The following XKR9 variants were observed in gnomAD, a reference collection of about 807,000 sequenced individuals.
XKR9 encodes the protein XK related 9, also known as XK-related protein 9.
XKR9 carries 32 observed loss-of-function variants against 32.0 expected under a neutral mutation model. The observed-to-expected ratio is 1.00, with a 90% CI of 0.76 to 1.34. The LOEUF (loss-of-function observed/expected upper bound fraction) is 1.34, where lower values mean the gene tolerates loss of function less well. XKR9 is among the 40% of genes most tolerant of loss of function. The pLI, the probability that XKR9 is intolerant of heterozygous loss-of-function variation, is 0.00. For synonymous variants in XKR9, 168 were observed against 143.4 expected (o/e 1.17, Z -1.22); for missense variants, 546 against 429.7 (o/e 1.27, Z -2.39).
At chr8:71,059,822 T>C in the XKR9 span, among the ~76,000 whole-genome samples, 2 of 152,210 alleles carry the variant, frequency 1.3e-5, no homozygotes. Context: ...CTCCATTGTT[T>C]AGTCTGGTTG....
chr8:71,051,909 T>G, the XKR9 span, among the ~76,000 whole-genome samples: 1 of 152,204 alleles, frequency 6.6e-6, no homozygotes, highest in Non-Finnish European at 1.5e-5. Context: ...CAGTAAAACC[T>G]GGCCATGGAG....
chr8:70,733,868 C>A lies in XKR9; in HGVS notation c.566C>A (p.Ser189Tyr), dbSNP rs1433974978. 1.9e-6 allele frequency: 3 copies of A among 1,609,778 alleles called. No homozygotes were observed. The South Asian group carries it at 3.4e-5, about 18-fold the overall frequency. The change falls in exon 5 of 5, where the codon TCC becomes TAC. Residue 189 changes from serine to tyrosine, a missense_variant. Physicochemically the swap from Ser to Tyr is moderately radical, Grantham distance 144. Transcript: ENST00000408926. ...TVDYQVALRKSLPDKKLLNGL... is the reference protein window; with the variant it reads ...TVDYQVALRKYLPDKKLLNGL... ...GATTATCAAGTAGCTTTAAGAAAAT[C>A]CTTGCCTGACAAAAAGCTTCTTAAT...
chr8:71,040,004 T>G, the XKR9 span, among the ~76,000 whole-genome samples: 14 of 152,168 alleles, frequency 9.2e-5, no homozygotes, highest in Non-Finnish European at 4.4e-5. Flanking sequence ...GATTTTCTCT[T>G]TAGGTGGCCA....
the XKR9 span, among the ~76,000 whole-genome samples, chr8:70,795,393 A>G: frequency 1.6e-4 from 25 of 152,064 alleles, no homozygotes; most frequent in Admixed American, 1.3e-4. Flanking sequence ...ATTTAGGTTG[A>G]TTCCATGTCT....
the XKR9 span, among the ~76,000 whole-genome samples, chr8:70,941,141 G>C: frequency 6.6e-6 from 1 of 151,574 alleles, no homozygotes; most frequent in African/African-American, 2.4e-5. Flanking sequence ...ACTAGTCCTT[G>C]GCAACCACCA....
chr8:70,855,900 T>A, the XKR9 span, among the ~76,000 whole-genome samples: 1 of 152,084 alleles, frequency 6.6e-6, no homozygotes, highest in Non-Finnish European at 1.5e-5. Flanking sequence ...GAAGGAGAAA[T>A]AAAATCCTTT....
the XKR9 span, among the ~76,000 whole-genome samples, chr8:70,850,978 G>C: frequency 1.3e-5 from 2 of 152,214 alleles, no homozygotes; most frequent in African/African-American, 2.4e-5. Context: ...AATAGGAAGA[G>C]AGGAAGTCAA....
intron 2 of XKR9, among the ~76,000 whole-genome samples, chr8:70,764,202 G>C (rs1807344344): frequency 6.6e-6 from 1 of 152,176 alleles, no homozygotes; most frequent in African/African-American, 2.4e-5. Context: ...ATGACAATTA[G>C]GCCTTTTCTG....
the XKR9 span, among the ~76,000 whole-genome samples, chr8:70,810,125 G>T: frequency 6.6e-6 from 1 of 152,166 alleles, no homozygotes; most frequent in Non-Finnish European, 1.5e-5. Context: ...AAGAGAGTGG[G>T]GGCCAATCTT....
intron 3 of XKR9, among the ~76,000 whole-genome samples, chr8:70,702,665 A>G (rs1355247381): frequency 1.3e-5 from 2 of 152,190 alleles, no homozygotes; most frequent in African/African-American, 4.8e-5. Context: ...TTATATTATT[A>G]TGACATGTTG....
chr8:70,885,052 AC>A, the XKR9 span, among the ~76,000 whole-genome samples: 1 of 151,574 alleles, frequency 6.6e-6, no homozygotes. Flanking sequence ...TATTTCTTTC[AC>A]AGAGTTTTGT....
chr8:70,858,802 A>G, the XKR9 span, among the ~76,000 whole-genome samples: 1 of 152,158 alleles, frequency 6.6e-6, no homozygotes, highest in Non-Finnish European at 1.5e-5. Context: ...CTAGATAACT[A>G]CATGCAGAGG....
At chr8:70,959,294 T>C in the XKR9 span, among the ~76,000 whole-genome samples, 18 of 152,348 alleles carry the variant, frequency 1.2e-4, no homozygotes, top group Admixed American at 1.1e-3. Flanking sequence ...TACTTTTTTC[T>C]TTTTCACATA....
the XKR9 span, among the ~76,000 whole-genome samples, chr8:70,853,748 A>AT: frequency 6.6e-6 from 1 of 151,936 alleles, no homozygotes; most frequent in Non-Finnish European, 1.5e-5. Flanking sequence ...TCATTGTTCA[A>AT]TTCCCACCTA....
At chr8:70,827,568 A>G in the XKR9 span, among the ~76,000 whole-genome samples, 2 of 152,228 alleles carry the variant, frequency 1.3e-5, no homozygotes, top group Non-Finnish European at 2.9e-5. Context: ...ATATTCCTCA[A>G]GACATCTCTG....
chr8:70,780,419 A>G (rs887097723), intron 2 of XKR9, among the ~76,000 whole-genome samples: 2 of 152,096 alleles, frequency 1.3e-5, no homozygotes, highest in South Asian at 2.1e-4. Flanking sequence ...AAATTTTGGC[A>G]TATTGTGTTC....
the XKR9 span, among the ~76,000 whole-genome samples, chr8:70,991,614 C>T: frequency 2.6e-5 from 4 of 152,260 alleles, no homozygotes; most frequent in African/African-American, 7.2e-5. Context: ...AACATGCCAG[C>T]GTCAGTCCTG....
chr8:70,844,641 A>G, the XKR9 span, among the ~76,000 whole-genome samples: 1 of 152,168 alleles, frequency 6.6e-6, no homozygotes, highest in African/African-American at 2.4e-5. Flanking sequence ...GCTTGAACAC[A>G]CTACCTGGGG....
At chr8:70,700,021 C>T (rs552344792) in intron 3 of XKR9, among the ~76,000 whole-genome samples, 39 of 152,312 alleles carry the variant, frequency 2.6e-4, no homozygotes, top group African/African-American at 8.2e-4. Flanking sequence ...CGAGCCTTGG[C>T]TTTCAGCTCC....
Sources: gnomAD v4.1 joint callset for allele counts (sites outside exome capture counted in the v4.1 genomes callset) on GRCh38, gnomAD v4.1.1 for gene constraint, MANE v1.5 for transcripts, NCBI Gene and HGNC (gene_info 2026-07-23, HGNC 2026-07-21) for gene names.